The following TMC4 variants were observed in gnomAD, a reference collection of about 807,000 sequenced individuals.
The protein encoded by TMC4 is transmembrane channel like 4.
TMC4 carries 70 observed loss-of-function variants against 82.0 expected under a neutral mutation model. That is an observed-to-expected ratio of 0.85 (90% CI 0.70 to 1.04). The LOEUF (loss-of-function observed/expected upper bound fraction) is 1.04, where lower values mean the gene tolerates loss of function less well. Among genes scored for constraint, TMC4 ranks in the 50% least tolerant of loss-of-function variants. TMC4 has a pLI of 0.00. For missense variants in TMC4, 879 were observed against 899.0 expected (o/e 0.98, Z 0.28); for synonymous variants, 446 against 406.0 (o/e 1.10, Z -1.18).
rs2075653197 is a variant in TMC4 at position 54,164,566 on chromosome 19, A to C, written c.981T>G (p.Ala327=). 2 of 1,613,688 alleles carry C rather than the reference A, an allele frequency of 1.2e-6. No homozygotes were observed. The highest frequency in any genetic ancestry group is 3.3e-5 in the Admixed American group (2 of 60,014). Residue 327 remains alanine (A), a synonymous_variant, in exon 7 of 15, where the codon GCT becomes GCG. Transcript: ENST00000619895. The part of the protein sequence containing the change: ...ELEETVVRRQ[A]AVRTLGQQAR... The stretch of plus-strand genomic sequence containing the variant: ...CTTGCTGGCCCAGCGTCCGCACCGC[A>C]GCCTGGCGCCGCACCACTGTCTCCT...
In TMC4 at chr19:54,169,538, C is replaced by T; in HGVS notation, c.416G>A (p.Trp139Ter). ...TKEGLRSLQP[W>*]AWTLKRIGGQ... is the part of the protein sequence containing the mutation. ...CCCGATCCTCTTCAGTGTCCACGCC[C>T]AGGGCTGCAGGCTTCGCAAGCCTTC... The change falls in exon 3 of 15, where the codon TGG becomes TAG. Residue 139 changes from tryptophan (W) to a stop codon, truncating the protein, a stop_gained. Coordinates refer to ENST00000619895, the MANE Select transcript of TMC4 (RefSeq NM_144686.4). LOFTEE classifies it high-confidence loss of function. 3 of 1,613,590 alleles carry T rather than the reference C, an allele frequency of 1.9e-6. No individual in the cohort carries two copies. Among genetic ancestry groups the T allele is most frequent in the Non-Finnish European group, 2.5e-6 (3 of 1,179,972 alleles).
At position 54,169,503 on chromosome 19, in the gene TMC4, C is replaced by T; in HGVS notation, c.442+9G>A. 6.2e-7 allele frequency: 1 copy of T among 1,610,592 alleles called. No individual in the cohort carries two copies. The highest frequency in any genetic ancestry group is 1.3e-5 in the African/African-American group (1 of 74,950). On this transcript the variant is annotated intron_variant, in intron 3 of 14. Coordinates refer to ENST00000619895, the MANE Select transcript of TMC4 (RefSeq NM_144686.4). ...CTGCCCCCAGGACACCACCCAAACC[C>T]CACCGCACCCCCGATCCTCTTCAGT...
chr19:54,160,837 C>G (rs759193677), intron 13 of TMC4, 41 bp downstream of exon 13: 1 of 1,607,252 alleles, frequency 6.2e-7, no homozygotes, highest in African/African-American at 1.3e-5. Context: ...CCCCAGATCA[C>G]ACGCATTCAA....
Position 54,169,936 on chromosome 19 carries a change from C to CAA in TMC4, c.294-278_294-277dup, listed in dbSNP as rs35772679. On this transcript the variant is annotated intron_variant, in intron 2 of 14. Transcript: ENST00000619895. ...GAAATCCTGTCTCTACTAAAAATAC[C>CAA]AAAAAAAAAAAAAAATTAGCTGGGC... Among the ~76,000 whole-genome samples, 1,137 of 139,154 alleles carry CAA rather than the reference C, an allele frequency of 8.2e-3. 9 individuals are homozygous for CAA. The highest frequency in any genetic ancestry group is 0.015 in the Middle Eastern group (4 of 260). The allele number at this position is 139,154 out of a possible 152,430, so 91.3% of individuals were successfully genotyped here.
chr19:54,173,142 T>C lies in TMC4; in HGVS notation c.-25A>G. On this transcript the variant is annotated 5_prime_UTR_variant, in exon 1 of 15. Transcript: ENST00000619895. The stretch of plus-strand genomic sequence containing the variant: ...TGGCCCCAGGCTGGGCTGTCTCTAG[T>C]GGCCACCAGGCAGACACTGCCCCAG... 12 of 1,610,698 alleles carry C rather than the reference T, an allele frequency of 7.5e-6. No individual in the cohort carries two copies. The highest frequency in any genetic ancestry group is 1.0e-5 in the Non-Finnish European group (12 of 1,177,474).
chr19:54,166,773 G>A (rs946943034), intron 5 of TMC4, among the ~76,000 whole-genome samples: 1 of 152,100 alleles, frequency 6.6e-6, no homozygotes, highest in Non-Finnish European at 1.5e-5. Context: ...GACAAACATG[G>A]TGAAACCCCA....
Position 54,168,998 on chromosome 19 carries a change from A to C in TMC4, c.443-318T>G, listed in dbSNP as rs189961635. Among the ~76,000 whole-genome samples the C allele has an allele frequency of 8.0e-3, 76 of 9,512 alleles. 20 individuals are homozygous for C. The highest frequency in any genetic ancestry group is 0.02 in the Admixed American group (13 of 644). The allele number at this position is 9,512 out of a possible 152,430, so 6.2% of individuals were successfully genotyped here. On this transcript the variant is annotated intron_variant, in intron 3 of 14. Transcript: ENST00000619895. Reference sequence around the variant, plus strand: ...TCTCTCTCTCTCTCTCTCTCTCTATATATATATATATATTTTTTTTTTTTT... The same window carrying C: ...TCTCTCTCTCTCTCTCTCTCTCTATCTATATATATATATTTTTTTTTTTTT...
chr19:54,172,874 G>A (rs571310227), intron 1 of TMC4, 165 bp downstream of exon 1: 606 of 651,390 alleles, frequency 9.3e-4, no homozygotes, highest in Non-Finnish European at 1.3e-3. Context: ...CTCAGACCCT[G>A]GAGTTCCAGC....
chr19:54,160,166 G>A lies in TMC4; in HGVS notation c.*140C>T. 1 of 911,186 alleles carries A rather than the reference G, an allele frequency of 1.1e-6. No homozygotes were observed. Among genetic ancestry groups the A allele is most frequent in the Non-Finnish European group, 1.6e-6 (1 of 624,278 alleles). The allele number at this position is 911,186 out of a possible 1,614,324, so 56.4% of individuals were successfully genotyped here. A position where few individuals can be genotyped will look rare whatever the true frequency, so the allele number is the denominator to read the frequency against. The stretch of plus-strand genomic sequence containing the variant: ...AAGATCACCCGAGAGTCAGGGACGT[G>A]GCGGCGAGGGGCCCTGGAAATCTCC... On this transcript the variant is annotated 3_prime_UTR_variant, in exon 15 of 15. Transcript: ENST00000619895.
chr19:54,169,687 G>C (rs2075837710), intron 2 of TMC4, 27 bp from the exon 3 acceptor site: 1 of 1,610,458 alleles, frequency 6.2e-7, no homozygotes, highest in African/African-American at 1.3e-5. Flanking sequence ...CAGAAAATGA[G>C]GGGTTTCGCA....
At chr19:54,168,716 C>A in intron 3 of TMC4, 36 bp from the exon 4 acceptor site, 4 of 1,410,308 alleles carry the variant, frequency 2.8e-6, no homozygotes, top group Non-Finnish European at 9.3e-7. Context: ...CAGGTTCCTT[C>A]CCGGGAGCAG....
Position 54,160,920 on chromosome 19 carries a change from AG to A in TMC4, c.1930del (p.Leu644TrpfsTer12). ...PETTQNFLFFLGTQAFAVPLL... is the reference protein window; with the variant it reads ...PETTQNFLFFXGTQAFAVPLL... ...GGGCACAGCAAAAGCCTGGGTCCCC[AG>A]GAAGAAGAGGAAATTCTGGGTGGTC... On this transcript the variant is annotated frameshift_variant, in exon 13 of 15. Transcript: ENST00000619895. LOFTEE classifies it high-confidence loss of function. 1 of 1,614,146 alleles carries A rather than the reference AG, an allele frequency of 6.2e-7. No homozygotes were observed. Among genetic ancestry groups the A allele is most frequent in the Non-Finnish European group, 8.5e-7 (1 of 1,180,032 alleles).
chr19:54,167,926 G>A (rs2075744203), intron 5 of TMC4, among the ~76,000 whole-genome samples: 1 of 152,020 alleles, frequency 6.6e-6, no homozygotes, highest in African/African-American at 2.4e-5. Context: ...AGCTGGGCGT[G>A]GTGGCGGGCG....
Position 54,162,708 on chromosome 19 carries a change from G to A in TMC4, c.1467C>T (p.Val489=), listed in dbSNP as rs1259751416. 6.2e-7 allele frequency: 1 copy of A among 1,614,102 alleles called. No individual in the cohort carries two copies. Among genetic ancestry groups the A allele is most frequent in the East Asian group, 2.2e-5 (1 of 44,868 alleles). The change falls in exon 10 of 15, where the codon GTC becomes GTT. Residue 489 remains valine (V), a synonymous_variant. Coordinates refer to ENST00000619895, the MANE Select transcript of TMC4 (RefSeq NM_144686.4). ...YKLLLFDLLT[V]LAVALLIQFP... is the part of the protein sequence containing the mutation. ...ACTGGATGAGCAGCGCGACTGCCAA[G>A]ACAGTCAGCAGATCAAAGAGCAGAA... is the stretch of plus-strand genomic sequence containing the variant.
Position 54,160,133 on chromosome 19 carries a change from A to C in TMC4, c.*173T>G. 1.4e-6 allele frequency: 1 copy of C among 713,008 alleles called. No individual in the cohort carries two copies. Among genetic ancestry groups the C allele is most frequent in the Non-Finnish European group, 2.2e-6 (1 of 458,258 alleles). 44.2% of individuals were successfully genotyped at this position (713,008 alleles called of 1,614,324 possible). A position where few individuals can be genotyped will look rare whatever the true frequency, so the allele number is the denominator to read the frequency against. On this transcript the variant is annotated 3_prime_UTR_variant, in exon 15 of 15. Coordinates refer to ENST00000619895, the MANE Select transcript of TMC4 (RefSeq NM_144686.4). The stretch of plus-strand genomic sequence containing the variant: ...TCAGCAACCTCGGCTGTATTTATTG[A>C]TACAAGGAAGATCACCCGAGAGTCA...
intron 8 of TMC4, 139 bp downstream of exon 8, chr19:54,163,585 T>A: frequency 9.3e-7 from 1 of 1,078,136 alleles, no homozygotes; most frequent in Non-Finnish European, 1.4e-6. Context: ...TGTGAGCCAC[T>A]GCACCTGGCC....
intron 5 of TMC4, among the ~76,000 whole-genome samples, 158 bp from the exon 6 acceptor site, chr19:54,165,724 G>A (rs778651294): frequency 1.2e-4 from 18 of 152,264 alleles, no homozygotes; most frequent in Non-Finnish European, 2.1e-4. Context: ...AGTCAAAGAG[G>A]CGGAGACACA....
At chr19:54,164,065 C>T (rs1385406038) in intron 7 of TMC4, among the ~76,000 whole-genome samples, 178 bp from the exon 8 acceptor site, 1 of 151,054 alleles carries the variant, frequency 6.6e-6, no homozygotes, top group Non-Finnish European at 1.5e-5. Flanking sequence ...ACCTCTGCCT[C>T]CCGGGTTCAA....
intron 5 of TMC4, among the ~76,000 whole-genome samples, chr19:54,166,240 G>C (rs540814664): frequency 6.6e-6 from 1 of 151,182 alleles, no homozygotes; most frequent in African/African-American, 2.4e-5. Context: ...TTAGCCAGGC[G>C]TGGTGGTGCA....
Sources: allele counts gnomAD v4.1 joint callset (sites outside exome capture counted in the v4.1 genomes callset), GRCh38; gene constraint gnomAD v4.1.1; transcripts MANE v1.5; gene names NCBI Gene and HGNC (gene_info 2026-07-23, HGNC 2026-07-21).